The following SYNGR3 variants were observed in gnomAD, a reference collection of about 807,000 sequenced individuals.
The protein encoded by SYNGR3 is synaptogyrin-3.
A neutral mutation model predicts 18.5 loss-of-function variants in SYNGR3; 10 were observed. The observed-to-expected ratio is 0.54, with a 90% CI of 0.33 to 0.92. The LOEUF (loss-of-function observed/expected upper bound fraction) is 0.92. SYNGR3 is among the 40% of genes least tolerant of loss of function. The pLI, the probability that SYNGR3 is intolerant of heterozygous loss-of-function variation, is 0.02. For synonymous variants in SYNGR3, 188 were observed against 157.2 expected, an observed-to-expected ratio of 1.20 and a Z score of -1.47; for missense variants, 335 against 332.8, an observed-to-expected ratio of 1.01 and a Z score of -0.05.
At chr16:1,992,436 G>C (rs952432299) in intron 2 of SYNGR3, 200 bp from the exon 3 acceptor site, 1 of 869,766 alleles carries the variant, frequency 1.1e-6, no homozygotes, top group African/African-American at 1.8e-5. Context: ...CCCGGGTCTG[G>C]GCGGAGCCTG....
At chr16:1,992,264 G>GGGGCGGGGCCT (rs1283251402) in intron 2 of SYNGR3, 53 bp downstream of exon 2, 1 of 818,166 alleles carries the variant, frequency 1.2e-6, no homozygotes, top group Admixed American at 4.0e-5. Flanking sequence ...GGGCGGGGAG[G>GGGGCGGGGCCT]GGGCGGGGCC....
chr16:1,992,527 C>A, intron 2 of SYNGR3, 109 bp from the exon 3 acceptor site: 1 of 1,373,640 alleles, frequency 7.3e-7, no homozygotes, highest in Non-Finnish European at 9.5e-7. Context: ...ACGCGGCGAG[C>A]CCAGGCGAGG....
rs777378482 is a variant in SYNGR3 at position 1,993,308 on chromosome 16, C to T, written c.*236C>T. 14 of 640,786 alleles carry T rather than the reference C, an allele frequency of 2.2e-5. No homozygotes were observed. The highest frequency in any genetic ancestry group is 6.9e-5 in the Admixed American group (3 of 43,544). 39.7% of individuals were successfully genotyped at this position (640,786 alleles called of 1,614,324 possible). On this transcript the variant is annotated 3_prime_UTR_variant, in exon 4 of 4. Coordinates refer to ENST00000248121, the MANE Select transcript of SYNGR3 (RefSeq NM_004209.6). ...AGGTCCTGAGAAGGGGATAGCACTG[C>T]CCAGGACGTGTGTCCCTAGCCTGGA...
In SYNGR3 at chr16:1,992,714, C is replaced by T; in HGVS notation, c.416C>T (p.Thr139Met). 1.3e-6 allele frequency: 2 copies of T among 1,597,900 alleles called. No homozygotes were observed. The highest frequency in any genetic ancestry group is 1.7e-6 in the Non-Finnish European group (2 of 1,175,260). The stretch of plus-strand genomic sequence containing the variant: ...CAGCGCACGGCGCCAGGGCCGGCCA[C>T]GACGCAGGCGGGGGACGCGGCGCGG... ...QWQRTAPGPA[T>M]TQAGDAARAA... The change falls in exon 3 of 4, where the codon ACG becomes ATG. Residue 139 changes from threonine (T) to methionine (M), a missense_variant. Thr to Met is a moderately conservative substitution (Grantham distance 81). Coordinates refer to ENST00000248121, the MANE Select transcript of SYNGR3 (RefSeq NM_004209.6).
rs764467395 is a variant in SYNGR3 at position 1,992,726 on chromosome 16, G to T, written c.428G>T (p.Gly143Val). The change falls in exon 3 of 4, where the codon GGG (glycine) becomes GTG (valine). Residue 143 changes from glycine (G) to valine (V), a missense_variant. Coordinates refer to ENST00000248121, the MANE Select transcript of SYNGR3 (RefSeq NM_004209.6). ...TAPGPATTQA[G>V]DAARAAIAFS... The stretch of plus-strand genomic sequence containing the variant: ...CCAGGGCCGGCCACGACGCAGGCGG[G>T]GGACGCGGCGCGGGCCGCCATCGCC... The T allele has an allele frequency of 2.5e-6, 4 of 1,591,094 alleles. No individual in the cohort carries two copies. In the African/African-American group the frequency reaches 5.5e-5, roughly 22 times the overall value.
intron 1 of SYNGR3, 105 bp downstream of exon 1, chr16:1,990,306 C>G (rs1248562083): frequency 2.1e-6 from 1 of 469,526 alleles, no homozygotes; most frequent in Non-Finnish European, 3.3e-6. Flanking sequence ...TCTCGCCCCC[C>G]GACCTCACTC....
chr16:1,990,946 G>A (rs1044499114), intron 1 of SYNGR3, among the ~76,000 whole-genome samples: 3 of 152,266 alleles, frequency 2.0e-5, no homozygotes, highest in Non-Finnish European at 4.4e-5. Flanking sequence ...GCTCTGACCA[G>A]ACCGGGAGGC....
chr16:1,990,217 C>T lies in SYNGR3; in HGVS notation c.99+16C>T, dbSNP rs1413323932. On this transcript the variant is annotated intron_variant, in intron 1 of 3. Transcript: ENST00000248121. ...CGCGTCCTGGGTGAGTGGTCCCTGC[C>T]CGGGCCCCCGCTCCCGCCCCTGCCT... 6.4e-6 allele frequency: 8 copies of T among 1,255,678 alleles called. No homozygotes were observed. The South Asian group carries it at 2.0e-4, about 32-fold the overall frequency. The allele number at this position is 1,255,678 out of a possible 1,614,324, so 77.8% of individuals were successfully genotyped here.
At chr16:1,990,340 C>T in intron 1 of SYNGR3, 139 bp downstream of exon 1, 2 of 439,282 alleles carry the variant, frequency 4.6e-6, no homozygotes, top group Non-Finnish European at 7.7e-6. Context: ...CCGGCCCCTC[C>T]CCCGCCGGCC....
chr16:1,992,238 G>A, intron 2 of SYNGR3, 27 bp downstream of exon 2: 6 of 1,065,868 alleles, frequency 5.6e-6, no homozygotes, highest in Non-Finnish European at 7.3e-6. Flanking sequence ...CGGTGAGCGC[G>A]GAGAGCCTTC....
intron 2 of SYNGR3, 122 bp from the exon 3 acceptor site, chr16:1,992,514 G>C: frequency 7.6e-7 from 1 of 1,311,282 alleles, no homozygotes; most frequent in Non-Finnish European, 9.9e-7. Context: ...GGGACCTCGC[G>C]CCACGCGGCG....
At position 1,992,017 on chromosome 16, in the gene SYNGR3, A is replaced by G; in HGVS notation, c.143A>G (p.Tyr48Cys). The G allele has an allele frequency of 6.3e-7, 1 of 1,592,398 alleles. No homozygotes were observed. The highest frequency in any genetic ancestry group is 2.3e-5 in the East Asian group (1 of 43,570). ...AVFGPIVNEG[Y>C]VNTDSGPELR... ...TTCGGGCCCATCGTCAACGAGGGCTACGTGAACACCGACAGCGGCCCCGAG... is the reference window on the plus strand; with the variant it reads ...TTCGGGCCCATCGTCAACGAGGGCTGCGTGAACACCGACAGCGGCCCCGAG... Residue 48 changes from tyrosine (Y) to cysteine (C), a missense_variant, in exon 2 of 4, where the codon TAC (tyrosine) becomes TGC (cysteine). Transcript: ENST00000248121.
Position 1,992,788 on chromosome 16 carries a change from G to T in SYNGR3, c.480+10G>T. 1 of 1,526,702 alleles carries T rather than the reference G, an allele frequency of 6.6e-7. No homozygotes were observed. Among genetic ancestry groups the T allele is most frequent in the East Asian group, 2.4e-5 (1 of 41,376 alleles). 94.6% of individuals were successfully genotyped at this position (1,526,702 alleles called of 1,614,324 possible). On this transcript the variant is annotated intron_variant, in intron 3 of 3. Transcript: ENST00000248121. ...CTCCATCCTCAGCTGGGTGAGTGCGGGGCCCGGGAGGGCGGGGCGAAGGGG... is the reference window on the plus strand; with the variant it reads ...CTCCATCCTCAGCTGGGTGAGTGCGTGGCCCGGGAGGGCGGGGCGAAGGGG...
At position 1,990,120 on chromosome 16, in the gene SYNGR3, C is replaced by T. The variant is rs1188998710; in HGVS notation, c.18C>T (p.Phe6=). Reference sequence around the variant, plus strand: ...GGCCGGCCATGGAGGGCGCCTCCTTCGGCGCGGGCCGCGCAGGGGCCGCCC... The same window carrying T: ...GGCCGGCCATGGAGGGCGCCTCCTTTGGCGCGGGCCGCGCAGGGGCCGCCC... MEGAS[F]GAGRAGAALD... is the part of the protein sequence containing the mutation. The change falls in exon 1 of 4, where the codon TTC becomes TTT. Residue 6 remains phenylalanine (F), a synonymous_variant. Coordinates refer to ENST00000248121, the MANE Select transcript of SYNGR3 (RefSeq NM_004209.6). The T allele has an allele frequency of 2.5e-5, 30 of 1,217,984 alleles. No homozygotes were observed. The highest frequency in any genetic ancestry group is 3.2e-4 in the Middle Eastern group (1 of 3,160). The allele number at this position is 1,217,984 out of a possible 1,614,324, so 75.4% of individuals were successfully genotyped here.
intron 2 of SYNGR3, 184 bp from the exon 3 acceptor site, chr16:1,992,451 CG>C: frequency 1.2e-6 from 1 of 862,032 alleles, no homozygotes; most frequent in Non-Finnish European, 1.6e-6. Flanking sequence ...AGCCTGGGCG[CG>C]GAACGGGTCT....
intron 2 of SYNGR3, 28 bp downstream of exon 2, chr16:1,992,239 GA>G (rs2083607943): frequency 1.3e-6 from 1 of 792,918 alleles, no homozygotes; most frequent in Non-Finnish European, 1.7e-6. Flanking sequence ...GGTGAGCGCG[GA>G]GAGCCTTCCG....
chr16:1,992,697 G>A lies in SYNGR3; in HGVS notation c.399G>A (p.Thr133=), dbSNP rs148157113. The A allele has an allele frequency of 8.1e-6, 13 of 1,602,986 alleles. No individual in the cohort carries two copies. The African/African-American group carries it at 1.5e-4, about 18-fold the overall frequency. Residue 133 remains threonine, a synonymous_variant, in exon 3 of 4, where the codon ACG becomes ACA. Transcript: ENST00000248121. Reference sequence around the variant, plus strand: ...TCCTCACCAATCAGTGGCAGCGCACGGCGCCAGGGCCGGCCACGACGCAGG... The same window carrying A: ...TCCTCACCAATCAGTGGCAGCGCACAGCGCCAGGGCCGGCCACGACGCAGG... The part of the protein sequence containing the change: ...FCFLTNQWQR[T]APGPATTQAG...
rs1016130165 is a variant in SYNGR3 at position 1,990,012 on chromosome 16, T to G, written c.-91T>G. ...AGCGTTGGTAGCATCAGCATCAGCA[T>G]CAGCGGCAGCGGCAGCGGCCTCGGG... On this transcript the variant is annotated 5_prime_UTR_variant, in exon 1 of 4. Transcript: ENST00000248121. 1.5e-4 allele frequency: 59 copies of G among 400,526 alleles called. No individual in the cohort carries two copies. The highest frequency in any genetic ancestry group is 1.7e-3 in the Middle Eastern group (2 of 1,206). The allele number at this position is 400,526 out of a possible 1,614,324, so 24.8% of individuals were successfully genotyped here.
In SYNGR3 at chr16:1,994,147, A is replaced by C. The variant is rs1455318976; in HGVS notation, c.*1075A>C. ...CCAATTCTGTGTGGATATTTAAGTGAACATGTTTACAATTTTTGTATATAT... is the reference window on the plus strand; with the variant it reads ...CCAATTCTGTGTGGATATTTAAGTGCACATGTTTACAATTTTTGTATATAT... On this transcript the variant is annotated 3_prime_UTR_variant, in exon 4 of 4. Coordinates refer to ENST00000248121, the MANE Select transcript of SYNGR3 (RefSeq NM_004209.6). 1 of 154,754 alleles carries C rather than the reference A, an allele frequency of 6.5e-6. No homozygotes were observed. Among genetic ancestry groups the C allele is most frequent in the Non-Finnish European group, 1.4e-5 (1 of 69,274 alleles). 9.6% of individuals were successfully genotyped at this position (154,754 alleles called of 1,614,324 possible).
Sources: gnomAD v4.1 joint callset for allele counts (sites outside exome capture counted in the v4.1 genomes callset) on GRCh38, gnomAD v4.1.1 for gene constraint, MANE v1.5 for transcripts, NCBI Gene and HGNC (gene_info 2026-07-23, HGNC 2026-07-21) for gene names.